HSPH1: variants seen among roughly 807,000 people sequenced by gnomAD.
HSPH1 encodes the protein heat shock protein 105 kDa.
In HSPH1, 40 loss-of-function variants were observed where a neutral mutation model predicts 100.0. That is an observed-to-expected ratio of 0.40 (90% CI 0.31 to 0.52). HSPH1 has a LOEUF of 0.52. Ranked by LOEUF, HSPH1 falls within the 20% of genes least tolerant of loss-of-function variation. The probability of loss-of-function intolerance (pLI) is 0.54; values close to 1 mark genes in which losing one functional copy is unlikely to be tolerated. For missense variants in HSPH1, 876 were observed against 1,015.1 expected (o/e 0.86, Z 1.86); for synonymous variants, 403 against 344.0 (o/e 1.17, Z -1.90).
intron 17 of HSPH1, 33 bp downstream of exon 17, chr13:31,138,374 A>AC: frequency 6.2e-7 from 1 of 1,603,376 alleles, no homozygotes; most frequent in Admixed American, 1.7e-5. Flanking sequence ...CCGTAAGTGA[A>AC]CCCAGCAGTA....
chr13:31,147,856 C>T, intron 10 of HSPH1, 103 bp downstream of exon 10: 2 of 904,678 alleles, frequency 2.2e-6, no homozygotes, highest in South Asian at 2.0e-5. Flanking sequence ...AATTATGTTC[C>T]CCTCAACATT....
At position 31,135,727 on chromosome 13, in the gene HSPH1, TA is replaced by T. The variant is rs1276391536; in HGVS notation, c.*1590del. On this transcript the variant is annotated 3_prime_UTR_variant, in exon 18 of 18. Transcript: ENST00000320027. ...CCAGGAAGCATCAGAGCTGAGGAAA[TA>T]AACCTCAGCAGTCAAGTGTTACTAA... The T allele has an allele frequency of 6.6e-6, 1 of 152,214 alleles. No individual in the cohort carries two copies. The highest frequency in any genetic ancestry group is 1.5e-5 in the Non-Finnish European group (1 of 68,032). 9.4% of individuals were successfully genotyped at this position (152,214 alleles called of 1,614,324 possible).
chr13:31,147,769 T>C (rs1419795027), intron 10 of HSPH1, among the ~76,000 whole-genome samples, 190 bp downstream of exon 10: 1 of 152,096 alleles, frequency 6.6e-6, no homozygotes, highest in Non-Finnish European at 1.5e-5. Context: ...ATTCTATCTC[T>C]AGACCAGCTG....
chr13:31,141,869 A>G lies in HSPH1; in HGVS notation c.1717-610T>C, dbSNP rs145161316. ...CCTTTGAATTGTATCATTTCTCATA[A>G]GCAACTTTGCAAGGTAAAAAGAGAT... is the stretch of plus-strand genomic sequence containing the variant. On this transcript the variant is annotated intron_variant, in intron 12 of 17. Transcript: ENST00000320027. 4.7e-4 allele frequency among the ~76,000 whole-genome samples: 72 copies of G among 151,942 alleles called. No individual in the cohort carries two copies. In the East Asian group the frequency reaches 0.013, roughly 28 times the overall value.
chr13:31,136,954 A>T lies in HSPH1; in HGVS notation c.*364T>A, dbSNP rs1413654568. On this transcript the variant is annotated 3_prime_UTR_variant, in exon 18 of 18. Coordinates refer to ENST00000320027, the MANE Select transcript of HSPH1 (RefSeq NM_006644.4). ...CTGAATGGAGAGCAAAATGCAAGAA[A>T]ACTACCTTGGCAGGAACAAATGCTT... 3.1e-6 allele frequency: 1 copy of T among 322,590 alleles called. No homozygotes were observed. The highest frequency in any genetic ancestry group is 1.0e-4 in the East Asian group (1 of 9,816). The allele number at this position is 322,590 out of a possible 1,614,324, so 20.0% of individuals were successfully genotyped here.
At chr13:31,155,068 A>T (rs1157011063) in intron 3 of HSPH1, among the ~76,000 whole-genome samples, 1 of 152,150 alleles carries the variant, frequency 6.6e-6, no homozygotes, top group Non-Finnish European at 1.5e-5. Flanking sequence ...GTAAATTTCC[A>T]CTCTAACTGA....
intron 13 of HSPH1, 86 bp downstream of exon 13, chr13:31,141,036 T>A: frequency 2.6e-6 from 2 of 775,452 alleles, no homozygotes; most frequent in Admixed American, 5.9e-5. Context: ...GAAAGAATTA[T>A]GGCCATTTAT....
intron 8 of HSPH1, 107 bp downstream of exon 8, chr13:31,149,847 C>CT (rs1956417608): frequency 2.4e-6 from 2 of 845,742 alleles, no homozygotes; most frequent in Admixed American, 2.0e-5. Flanking sequence ...TTAAAATGTC[C>CT]TTCTGCTACC....
chr13:31,144,076 AC>A (rs1276813613), intron 11 of HSPH1, among the ~76,000 whole-genome samples, 153 bp from the exon 12 acceptor site: 2 of 152,208 alleles, frequency 1.3e-5, no homozygotes, highest in Non-Finnish European at 2.9e-5. Context: ...TGAACAAAGT[AC>A]TTGAAAACTT....
rs751747015 is a variant in HSPH1 at position 31,152,874 on chromosome 13, T to C, written c.507A>G (p.Arg169=). ...TACCAGCTGTCATGTCATTCATAAGTCTTAAACAGTTTAGGCCAACAATCT... is the reference window on the plus strand; with the variant it reads ...TACCAGCTGTCATGTCATTCATAAGCCTTAAACAGTTTAGGCCAACAATCT... ...AAQIVGLNCL[R]LMNDMTAVAL... The change falls in exon 5 of 18, where the codon AGA becomes AGG. Residue 169 remains arginine (R), a synonymous_variant. Coordinates refer to ENST00000320027, the MANE Select transcript of HSPH1 (RefSeq NM_006644.4). 2.5e-6 allele frequency: 4 copies of C among 1,611,942 alleles called. No individual in the cohort carries two copies. Among genetic ancestry groups the C allele is most frequent in the East Asian group, 2.2e-5 (1 of 44,840 alleles).
chr13:31,136,974 ATGCTTAAAGATT>A lies in HSPH1; in HGVS notation c.*332_*343del. On this transcript the variant is annotated 3_prime_UTR_variant, in exon 18 of 18. Coordinates refer to ENST00000320027, the MANE Select transcript of HSPH1 (RefSeq NM_006644.4). The stretch of plus-strand genomic sequence containing the variant: ...AAGAAAACTACCTTGGCAGGAACAA[ATGCTTAAAGATT>A]TTAATCACAGCCCTCTTGAACAAGC... 1 of 359,958 alleles carries A rather than the reference ATGCTTAAAGATT, an allele frequency of 2.8e-6. No homozygotes were observed. The highest frequency in any genetic ancestry group is 2.5e-5 in the South Asian group (1 of 40,680). 22.3% of individuals were successfully genotyped at this position (359,958 alleles called of 1,614,324 possible).
chr13:31,150,952 C>A lies in HSPH1; in HGVS notation c.903G>T (p.Met301Ile). 1.2e-6 allele frequency: 2 copies of A among 1,609,352 alleles called. No homozygotes were observed. The highest frequency in any genetic ancestry group is 2.2e-5 in the South Asian group (2 of 90,158). Residue 301 changes from methionine to isoleucine, a missense_variant, in exon 7 of 18, where the codon ATG becomes ATT. By Grantham distance (10) the Met-to-Ile change is conservative (BLOSUM62 1). Transcript: ENST00000320027. Reference protein sequence around the residue: ...FMNDKDVSGKMNRSQFEELCA... With the variant: ...FMNDKDVSGKINRSQFEELCA... ...CTGTAGAATTCAAGACACACCTGTT[C>A]ATCTTTCCGGAAACATCTTTATCAT... is the stretch of plus-strand genomic sequence containing the variant.
At position 31,151,065 on chromosome 13, in the gene HSPH1, G is replaced by C; in HGVS notation, c.790C>G (p.Leu264Val). Residue 264 changes from leucine to valine, a missense_variant, in exon 7 of 18, where the codon CTA becomes GTA. Physicochemically the swap from Leu to Val is conservative, Grantham distance 32. Transcript: ENST00000320027. ...TTTTCACATTCCTGATACAGACGTA[G>C]GAGTGCTCGTATTTTGGATTTTGCA... ...LDAKSKIRAL[L>V]RLYQECEKLK... The C allele has an allele frequency of 6.2e-7, 1 of 1,613,820 alleles. No individual in the cohort carries two copies. The highest frequency in any genetic ancestry group is 8.5e-7 in the Non-Finnish European group (1 of 1,179,838).
intron 10 of HSPH1, among the ~76,000 whole-genome samples, chr13:31,146,898 T>C (rs1384757356): frequency 6.6e-6 from 1 of 152,206 alleles, no homozygotes; most frequent in African/African-American, 2.4e-5. Flanking sequence ...TTTAACTGCC[T>C]AGTATTTAAA....
intron 13 of HSPH1, 46 bp from the exon 14 acceptor site, chr13:31,140,355 A>C: frequency 1.3e-6 from 2 of 1,575,760 alleles, no homozygotes; most frequent in Non-Finnish European, 1.7e-6. Flanking sequence ...TAGTTAACTC[A>C]AGCTAAATTC....
At chr13:31,161,308 C>G (rs1216563066) in intron 1 of HSPH1, among the ~76,000 whole-genome samples, 168 bp downstream of exon 1, 6 of 152,214 alleles carry the variant, frequency 3.9e-5, no homozygotes, top group Non-Finnish European at 7.4e-5. Context: ...GGCAAGCCCC[C>G]CATCCCTCCT....
Position 31,138,659 on chromosome 13 carries a change from T to A in HSPH1, c.2209-91A>T, listed in dbSNP as rs1011383042. 7 of 1,513,942 alleles carry A rather than the reference T, an allele frequency of 4.6e-6. No individual in the cohort carries two copies. The Admixed American group carries it at 8.5e-5, about 18-fold the overall frequency. The allele number at this position is 1,513,942 out of a possible 1,614,324, so 93.8% of individuals were successfully genotyped here. ...TTTCCAGGAAGCTCAAGTTCAAATC[T>A]ACCTCTAACCTCAAATACCAAAATT... On this transcript the variant is annotated intron_variant, in intron 16 of 17. Transcript: ENST00000320027.
rs541932896 is a variant in HSPH1, at chr13:31,145,951, CA to C, written c.1379-184del. 9.8e-4 allele frequency among the ~76,000 whole-genome samples: 149 copies of C among 151,448 alleles called. No individual in the cohort carries two copies. The South Asian group carries it at 0.03, about 31-fold the overall frequency. On this transcript the variant is annotated intron_variant, in intron 10 of 17. Transcript: ENST00000320027. ...GGCAAGATAGTGAGATCTGTCTCTA[CA>C]AAAAAAATACAAATTAAAAAAATGA...
At chr13:31,151,588 A>C (rs1755902166) in intron 6 of HSPH1, 21 bp downstream of exon 6, 1 of 1,599,318 alleles carries the variant, frequency 6.3e-7, no homozygotes, top group African/African-American at 1.4e-5. Context: ...TTGGACACTG[A>C]GTTCCAATGT....
Sources: allele counts gnomAD v4.1 joint callset (sites outside exome capture counted in the v4.1 genomes callset), GRCh38; gene constraint gnomAD v4.1.1; transcripts MANE v1.5; gene names NCBI Gene and HGNC (gene_info 2026-07-23, HGNC 2026-07-21).